Variants in EIF2B4 observed in about 807,000 individuals in gnomAD.
EIF2B4 encodes translation initiation factor eIF2B subunit delta.
A neutral mutation model predicts 66.7 loss-of-function variants in EIF2B4; 34 were observed. The ratio of observed to expected loss-of-function variants is 0.51; its 90% CI spans 0.39 to 0.68. The LOEUF (loss-of-function observed/expected upper bound fraction) is 0.68, where lower values mean the gene tolerates loss of function less well. Ranked by LOEUF, EIF2B4 falls within the 30% of genes least tolerant of loss-of-function variation. EIF2B4 has a pLI of 0.00. For missense variants in EIF2B4, 618 were observed against 657.9 expected (o/e 0.94, Z 0.66); for synonymous variants, 278 against 253.6 (o/e 1.10, Z -0.92).
intron 11 of EIF2B4, chr2:27,366,463 T>C: frequency 2.3e-6 from 1 of 428,606 alleles, no homozygotes; most frequent in South Asian, 2.2e-5. Context: ...CAGGGGGAAC[T>C]GCTTGAGCCC....
chr2:27,368,671 T>C lies in EIF2B4; in HGVS notation c.481A>G (p.Lys161Glu), dbSNP rs1380057781. 1 of 1,614,214 alleles carries C rather than the reference T, an allele frequency of 6.2e-7. No homozygotes were observed. Among genetic ancestry groups the C allele is most frequent in the Non-Finnish European group, 8.5e-7 (1 of 1,180,038 alleles). The change falls in exon 5 of 13, where the codon AAA becomes GAA. Residue 161 changes from lysine to glutamate, a missense_variant. Lys to Glu is a moderately conservative substitution (Grantham distance 56). This residue lies in a region of EIF2B4 where 506 missense variants were observed against 511.9 expected (regional missense o/e 0.99). Coordinates refer to ENST00000347454, the MANE Select transcript of EIF2B4 (RefSeq NM_001034116.2). Reference sequence around the variant, plus strand: ...CTTCCTACCTGTTGACGCTCTGGTTTTTTAACAAGCCTTCTCAGAAGTAGG... The same window carrying C: ...CTTCCTACCTGTTGACGCTCTGGTTCTTTAACAAGCCTTCTCAGAAGTAGG... ...DDLLLRRLVK[K>E]PERQQVPTRK...
rs967249231 is a variant in EIF2B4, at chr2:27,364,394, C to A, written c.*6G>T. 10 of 1,613,504 alleles carry A rather than the reference C, an allele frequency of 6.2e-6. No homozygotes were observed. The highest frequency in any genetic ancestry group is 8.5e-6 in the Non-Finnish European group (10 of 1,179,872). Reference sequence around the variant, plus strand: ...TATGGCATTTATTAACCCTGTGTTTCCCCCGTCACTGGTCACTGCTCTTGA... The same window carrying A: ...TATGGCATTTATTAACCCTGTGTTTACCCCGTCACTGGTCACTGCTCTTGA... On this transcript the variant is annotated 3_prime_UTR_variant, in exon 13 of 13. Transcript: ENST00000347454.
chr2:27,369,884 CA>C lies in EIF2B4; in HGVS notation c.66del (p.Pro24LeufsTer8). 2 of 1,583,344 alleles carry C rather than the reference CA, an allele frequency of 1.3e-6. No individual in the cohort carries two copies. Among genetic ancestry groups the C allele is most frequent in the South Asian group, 1.2e-5 (1 of 86,736 alleles). ...SGSGMKAELP[P>X]GPGAVGREMT... ...AGGGAAGCCTCACTTACCCCAGGCC[CA>C]GGGGGAAGCTCCGCCTTCATCCCGG... On this transcript the variant is annotated frameshift_variant, in exon 2 of 13. Coordinates refer to ENST00000347454, the MANE Select transcript of EIF2B4 (RefSeq NM_001034116.2). LOFTEE classifies it high-confidence loss of function.
rs140722789 is a variant in EIF2B4 at position 27,367,301 on chromosome 2, G to C, written c.886-100C>G. ...ATATGTGTATGATGACAAGCCTATA[G>C]AGGGCTCAGAGATGGCACAAGTCAG... is the stretch of plus-strand genomic sequence containing the variant. On this transcript the variant is annotated intron_variant, in intron 9 of 12. Transcript: ENST00000347454. 14 of 1,590,142 alleles carry C rather than the reference G, an allele frequency of 8.8e-6. No homozygotes were observed. In the African/African-American group the frequency reaches 1.9e-4, roughly 21 times the overall value.
chr2:27,369,966 G>C (rs780076284), intron 1 of EIF2B4, 47 bp from the exon 2 acceptor site: 1 of 1,553,480 alleles, frequency 6.4e-7, no homozygotes, highest in Non-Finnish European at 8.7e-7. Context: ...GACTCCGGGA[G>C]GGTTTGGGGG....
Position 27,368,150 on chromosome 2 carries a change from G to T in EIF2B4, c.591-11C>A. ...ACAGAGGATGGGATGCTGATGGGATGGCGGTGTCACATACTTTGAAAGGGA... is the reference window on the plus strand; with the variant it reads ...ACAGAGGATGGGATGCTGATGGGATTGCGGTGTCACATACTTTGAAAGGGA... On this transcript the variant is annotated splice_polypyrimidine_tract_variant and intron_variant, in intron 6 of 12. Coordinates refer to ENST00000347454, the MANE Select transcript of EIF2B4 (RefSeq NM_001034116.2). 6.4e-7 allele frequency: 1 copy of T among 1,572,202 alleles called. No individual in the cohort carries two copies. Among genetic ancestry groups the T allele is most frequent in the Non-Finnish European group, 8.6e-7 (1 of 1,156,470 alleles).
At chr2:27,368,981 A>G in intron 4 of EIF2B4, 25 bp downstream of exon 4, 1 of 1,613,546 alleles carries the variant, frequency 6.2e-7, no homozygotes, top group Non-Finnish European at 8.5e-7. Flanking sequence ...GGAGTAAGGG[A>G]GGTCTTAAAA....
In EIF2B4 at chr2:27,364,574, C is replaced by T. The variant is rs1173537017; in HGVS notation, c.1398G>A (p.Lys466=). ...ELDDPDDLQC[K]RGEHVALANW... Reference sequence around the variant, plus strand: ...TAGCCAGCGCAACATGTTCTCCCCGCTTACATTGCAGATCATCAGGGTCAT... The same window carrying T: ...TAGCCAGCGCAACATGTTCTCCCCGTTTACATTGCAGATCATCAGGGTCAT... The change falls in exon 13 of 13, where the codon AAG becomes AAA. Residue 466 remains lysine, a synonymous_variant. Coordinates refer to ENST00000347454, the MANE Select transcript of EIF2B4 (RefSeq NM_001034116.2). 55 of 1,614,104 alleles carry T rather than the reference C, an allele frequency of 3.4e-5. No individual in the cohort carries two copies. Among genetic ancestry groups the T allele is most frequent in the Non-Finnish European group, 4.1e-5 (48 of 1,180,044 alleles).
chr2:27,368,982 G>A (rs766827254), intron 4 of EIF2B4, 24 bp downstream of exon 4: 1 of 1,613,622 alleles, frequency 6.2e-7, no homozygotes, highest in South Asian at 1.1e-5. Context: ...GAGTAAGGGA[G>A]GTCTTAAAAT....
In EIF2B4 at chr2:27,369,078, G is replaced by C. The variant is rs749874646; in HGVS notation, c.346C>G (p.Gln116Glu). 3.1e-6 allele frequency: 5 copies of C among 1,614,082 alleles called. No individual in the cohort carries two copies. The highest frequency in any genetic ancestry group is 4.2e-6 in the Non-Finnish European group (5 of 1,180,028). Reference sequence around the variant, plus strand: ...CCTCCTTGTTCCCCTTTTCTTGCCTGTTTCAGGGCCCGCTCGGCCTCCTGC... The same window carrying C: ...CCTCCTTGTTCCCCTTTTCTTGCCTCTTTCAGGGCCCGCTCGGCCTCCTGC... ...AKQEAERALK[Q>E]ARKGEQGGPP... Residue 116 changes from glutamine (Q) to glutamate (E), a missense_variant, in exon 4 of 13, where the codon CAG (glutamine) becomes GAG (glutamate). Around this residue, in one of 4 missense-constraint regions of EIF2B4, gnomAD observed 506 missense variants for 511.9 expected, o/e 0.99. Coordinates refer to ENST00000347454, the MANE Select transcript of EIF2B4 (RefSeq NM_001034116.2).
At chr2:27,369,744 C>A in intron 2 of EIF2B4, 132 bp downstream of exon 2, 1 of 1,445,224 alleles carries the variant, frequency 6.9e-7, no homozygotes, top group South Asian at 1.3e-5. Flanking sequence ...CCTAGGGTTG[C>A]AAGACCTCTG....
rs1256981697 is a variant in EIF2B4, at chr2:27,367,782, G to T, written c.746C>A (p.Ser249Tyr). The T allele has an allele frequency of 1.2e-6, 2 of 1,614,032 alleles. No homozygotes were observed. Among genetic ancestry groups the T allele is most frequent in the Non-Finnish European group, 1.7e-6 (2 of 1,180,036 alleles). Residue 249 changes from serine (S) to tyrosine (Y), a missense_variant, in exon 8 of 13, where the codon TCC becomes TAC. This residue lies in a region of EIF2B4 where 506 missense variants were observed against 511.9 expected (regional missense o/e 0.99). Transcript: ENST00000347454. ...TTTTAGTTTATTCACTAGATCCCTG[G>T]AGAGTTCTTCATTAGGCGGTGTTGT... Reference protein sequence around the residue: ...DYTTPPNEELSRDLVNKLKPY... With the variant: ...DYTTPPNEELYRDLVNKLKPY...
chr2:27,367,898 CTGAGGAAAATG>C, intron 7 of EIF2B4, 76 bp from the exon 8 acceptor site: 2 of 1,533,968 alleles, frequency 1.3e-6, no homozygotes, highest in Non-Finnish European at 1.8e-6. Context: ...GTAAGCTTCA[CTGAGGAAAATG>C]TTCTGAGGGT....
Position 27,367,194 on chromosome 2 carries a change from G to T in EIF2B4, c.893C>A (p.Ser298Ter). The change falls in exon 10 of 13, where the codon TCA becomes TAA. Residue 298 changes from serine to a stop codon, truncating the protein, a stop_gained. Transcript: ENST00000347454. LOFTEE classifies it high-confidence loss of function. The part of the protein sequence containing the change: ...GSSKREEEAK[S>*]ELRAAIDRYV... ...CCGATCAATGGCTGCTCGAAGTTCT[G>T]ACTTGGCCTAAATGGAGTAAAATCC... 1 of 1,614,094 alleles carries T rather than the reference G, an allele frequency of 6.2e-7. No homozygotes were observed. The highest frequency in any genetic ancestry group is 1.1e-5 in the South Asian group (1 of 91,008).
intron 1 of EIF2B4, 97 bp from the exon 2 acceptor site, chr2:27,370,016 C>T (rs1472515156): frequency 6.6e-7 from 1 of 1,522,974 alleles, no homozygotes; most frequent in Non-Finnish European, 8.8e-7. Flanking sequence ...GTTGGCATGA[C>T]CACGGATCCG....
At position 27,364,403 on chromosome 2, in the gene EIF2B4, C is replaced by G; in HGVS notation, c.1569G>C (p.Gln523His). The G allele has an allele frequency of 6.2e-7, 1 of 1,614,024 alleles. No homozygotes were observed. The highest frequency in any genetic ancestry group is 8.5e-7 in the Non-Finnish European group (1 of 1,180,020). Residue 523 changes from glutamine (Q) to histidine (H), a missense_variant, in exon 13 of 13, where the codon CAG becomes CAC. Physicochemically the swap from Gln to His is conservative, Grantham distance 24. Around this residue, in one of 4 missense-constraint regions of EIF2B4, gnomAD observed 13 missense variants for 33.0 expected, o/e 0.39. Transcript: ENST00000347454. ...TATTAACCCTGTGTTTCCCCCGTCA[C>G]TGGTCACTGCTCTTGACTCGTAGAA... Reference protein sequence around the residue: ...PVVLRVKSSDQ With the variant: ...PVVLRVKSSDH
chr2:27,369,239 C>G, intron 3 of EIF2B4, 27 bp from the exon 4 acceptor site: 2 of 1,600,024 alleles, frequency 1.2e-6, no homozygotes, highest in Non-Finnish European at 1.7e-6. Context: ...AAAAAATGCC[C>G]AAGCTGCAGG....
In EIF2B4 at chr2:27,368,654, C is replaced by T; in HGVS notation, c.498G>A (p.Gln166=). The T allele has an allele frequency of 6.2e-7, 1 of 1,614,200 alleles. No individual in the cohort carries two copies. ...GCCAGGCACCAAACCCACTTCCTACCTGTTGACGCTCTGGTTTTTTAACAA... is the reference window on the plus strand; with the variant it reads ...GCCAGGCACCAAACCCACTTCCTACTTGTTGACGCTCTGGTTTTTTAACAA... ...RRLVKKPERQ[Q]VPTRKDYGSK... Residue 166 remains glutamine (Q), a splice_region_variant and synonymous_variant, in exon 5 of 13, where the codon CAG becomes CAA. Transcript: ENST00000347454.
intron 1 of EIF2B4, 156 bp from the exon 2 acceptor site, chr2:27,370,075 G>T: frequency 6.6e-7 from 1 of 1,504,406 alleles, no homozygotes; most frequent in South Asian, 1.3e-5. Flanking sequence ...CGCACTGCGC[G>T]GCGGATCAAA....
Sources: gnomAD v4.1 joint callset for allele counts on GRCh38, gnomAD v4.1.1 for gene constraint, gnomAD v4.1.1 regional missense constraint, MANE v1.5 for transcripts, NCBI Gene and HGNC (gene_info 2026-07-23, HGNC 2026-07-21) for gene names.